Variants in PCDHGA1 observed in about 807,000 individuals in gnomAD.
PCDHGA1 encodes protocadherin gamma subfamily A, 1, also known as protocadherin gamma-A1.
In PCDHGA1, 32 loss-of-function variants were observed where a neutral mutation model predicts 58.0. The ratio of observed to expected loss-of-function variants is 0.55; its 90% CI spans 0.42 to 0.74. The LOEUF is 0.74. Among genes scored for constraint, PCDHGA1 ranks in the 30% least tolerant of loss-of-function variants. The probability of loss-of-function intolerance (pLI) is 0.00; values close to 1 mark genes in which losing one functional copy is unlikely to be tolerated. For missense variants in PCDHGA1, 1,205 were observed against 1,182.3 expected, an observed-to-expected ratio of 1.02 and a Z score of -0.28; for synonymous variants, 498 against 501.1, an observed-to-expected ratio of 0.99 and a Z score of 0.08.
At chr5:141,383,174 G>A in intron 1 of PCDHGA1, 6 of 1,614,084 alleles carry the variant, frequency 3.7e-6, no homozygotes, top group South Asian at 2.2e-5. Flanking sequence ...AGGATAGACC[G>A]GGAAGAGATC....
At chr5:141,418,828 C>G in intron 1 of PCDHGA1, 1 of 1,613,978 alleles carries the variant, frequency 6.2e-7, no homozygotes, top group Non-Finnish European at 8.5e-7. Flanking sequence ...AAGCAAAAGA[C>G]CGAGGATCTC....
chr5:141,376,447 C>T (rs777597745), intron 1 of PCDHGA1: 83 of 1,614,064 alleles, frequency 5.1e-5, no homozygotes, highest in Admixed American at 1.3e-4. Context: ...ATGAGAAAAG[C>T]GAGCCTCTTC....
intron 1 of PCDHGA1, chr5:141,356,345 T>C (rs1223520317): frequency 1.3e-6 from 2 of 1,555,176 alleles, no homozygotes; most frequent in African/African-American, 2.7e-5. Context: ...AATGGCCTAG[T>C]CACATGTTCT....
At chr5:141,444,531 CTG>C (rs2098439915) in intron 1 of PCDHGA1, among the ~76,000 whole-genome samples, 1 of 152,100 alleles carries the variant, frequency 6.6e-6, no homozygotes, top group Non-Finnish European at 1.5e-5. Context: ...GAGACAGTGA[CTG>C]TGTCTAGTGA....
intron 1 of PCDHGA1, chr5:141,346,548 C>T: frequency 6.5e-7 from 1 of 1,526,898 alleles, no homozygotes; most frequent in Non-Finnish European, 8.9e-7. Flanking sequence ...AGAAATAAAG[C>T]CATGAGGTTG....
At chr5:141,430,980 T>C in intron 1 of PCDHGA1, 1 of 1,613,618 alleles carries the variant, frequency 6.2e-7, no homozygotes, top group African/African-American at 1.3e-5. Context: ...AGGACGCAGC[T>C]TTTCGCCCTG....
rs1173375966 is a variant in PCDHGA1, at chr5:141,511,162, GAGA to G, written c.2791_2793del (p.Lys931del). 16 of 1,614,044 alleles carry G rather than the reference GAGA, an allele frequency of 9.9e-6. No individual in the cohort carries two copies. The highest frequency in any genetic ancestry group is 5.5e-5 in the South Asian group (5 of 91,078). On this transcript the variant is annotated inframe_deletion, in exon 4 of 4. Transcript: ENST00000517417. The stretch of plus-strand genomic sequence containing the variant: ...CAACAAGAAGAAGTCGGGCAAGAAG[GAGA>G]AGAAGTAACATGGAGGCCAGGCCAA...
intron 2 of PCDHGA1, among the ~76,000 whole-genome samples, chr5:141,497,540 CT>C (rs754207034): frequency 0.18 from 24,498 of 134,808 alleles, 2,020 homozygotes; most frequent in African/African-American, 0.21. Flanking sequence ...TGCAACAAAC[CT>C]TTTTTTTTTT....
At chr5:141,430,638 G>A in intron 1 of PCDHGA1, 1 of 898,338 alleles carries the variant, frequency 1.1e-6, no homozygotes, top group Non-Finnish European at 1.6e-6. Flanking sequence ...CCATCCCTGG[G>A]AGTATGTGGA....
At chr5:141,416,530 G>A (rs976560428) in intron 1 of PCDHGA1, 2 of 152,160 alleles carry the variant, frequency 1.3e-5, no homozygotes, top group Non-Finnish European at 2.9e-5. Flanking sequence ...GCTCTTTAAT[G>A]TATAAGGAGG....
chr5:141,432,873 T>A lies in PCDHGA1; in HGVS notation c.2422-61934T>A, dbSNP rs753576338. ...GTGGCCGCGGTCTCCTGCGTCTTCCTGGCCTTCGTCATCTTGCTGCTGGCG... is the reference window on the plus strand; with the variant it reads ...GTGGCCGCGGTCTCCTGCGTCTTCCAGGCCTTCGTCATCTTGCTGCTGGCG... On this transcript the variant is annotated intron_variant, in intron 1 of 3. Transcript: ENST00000517417. This position sits in a 1 kb window ranked among gnomAD's most constrained non-coding sequence, Gnocchi z 6.0. 1.4e-5 allele frequency: 22 copies of A among 1,614,204 alleles called. No individual in the cohort carries two copies. The highest frequency in any genetic ancestry group is 3.3e-4 in the Middle Eastern group (2 of 6,062).
At chr5:141,389,794 G>A (rs1015982333) in intron 1 of PCDHGA1, 21 of 1,613,396 alleles carry the variant, frequency 1.3e-5, no homozygotes, top group East Asian at 2.2e-5. Flanking sequence ...GACGCCGTCC[G>A]CCAGCGCCTT....
chr5:141,487,467 T>C lies in PCDHGA1; in HGVS notation c.2422-7340T>C. ...GATGACCCTATCAAGTTTGTTGATG[T>C]GGGAGGCCACTCTCATGGCTGTACA... On this transcript the variant is annotated intron_variant, in intron 1 of 3. Transcript: ENST00000517417. The surrounding 1 kb of genome is among the most constrained non-coding windows in gnomAD (Gnocchi z 5.0). 6.2e-7 allele frequency: 1 copy of C among 1,614,186 alleles called. No individual in the cohort carries two copies. The highest frequency in any genetic ancestry group is 8.5e-7 in the Non-Finnish European group (1 of 1,180,026).
In PCDHGA1 at chr5:141,332,870, G is replaced by A; in HGVS notation, c.2186G>A (p.Gly729Glu). 1 of 1,614,242 alleles carries A rather than the reference G, an allele frequency of 6.2e-7. No homozygotes were observed. The highest frequency in any genetic ancestry group is 8.5e-7 in the Non-Finnish European group (1 of 1,180,034). Residue 729 changes from glycine to glutamate, a missense_variant, in exon 1 of 4, where the codon GGA (glycine) becomes GAA (glutamate). By Grantham distance (98) the Gly-to-Glu change is moderately conservative. Coordinates refer to ENST00000517417, the MANE Select transcript of PCDHGA1 (RefSeq NM_018912.3). This position sits in a 1 kb window ranked among gnomAD's most constrained non-coding sequence, Gnocchi z 4.6. ...WHKSRLLQAS[G>E]GGLASMPGSH... ...AAGTCACGTCTGCTACAGGCTTCGG[G>A]AGGCGGCTTAGCGAGCATGCCCGGT...
chr5:141,485,500 C>T lies in PCDHGA1; in HGVS notation c.2422-9307C>T. 1 of 1,614,142 alleles carries T rather than the reference C, an allele frequency of 6.2e-7. No homozygotes were observed. The highest frequency in any genetic ancestry group is 8.5e-7 in the Non-Finnish European group (1 of 1,180,038). ...GCTGCATCGTGCCCCTGGAGTTTGT[C>T]ACCGAAGGTCCTTTGGAAATGTACC... On this transcript the variant is annotated intron_variant, in intron 1 of 3. Coordinates refer to ENST00000517417, the MANE Select transcript of PCDHGA1 (RefSeq NM_018912.3). The surrounding 1 kb of genome is among the most constrained non-coding windows in gnomAD (Gnocchi z 5.7).
intron 1 of PCDHGA1, chr5:141,333,851 C>T (rs1756488696): frequency 6.6e-6 from 1 of 152,092 alleles, no homozygotes; most frequent in African/African-American, 2.4e-5. Context: ...GGTGCCTGTA[C>T]TGAAGAATAC....
chr5:141,407,704 T>C (rs977444941), intron 1 of PCDHGA1, among the ~76,000 whole-genome samples: 5 of 152,144 alleles, frequency 3.3e-5, no homozygotes, highest in Admixed American at 1.3e-4. Context: ...TTGTTGAAGG[T>C]GGGGTGATGG....
intron 1 of PCDHGA1, among the ~76,000 whole-genome samples, chr5:141,480,272 G>T (rs903112862): frequency 7.2e-6 from 1 of 138,796 alleles, no homozygotes; most frequent in Non-Finnish European, 1.5e-5. Flanking sequence ...TTCATTAGCT[G>T]GGTGTGTTGG....
At chr5:141,372,431 C>G in intron 1 of PCDHGA1, 3 of 1,614,052 alleles carry the variant, frequency 1.9e-6, no homozygotes, top group Non-Finnish European at 2.5e-6. Context: ...GCGACCGCCC[C>G]ACTCCCTCTG....
Sources: gnomAD v4.1 joint callset for allele counts (sites outside exome capture counted in the v4.1 genomes callset) on GRCh38, gnomAD v4.1.1 for gene constraint, Gnocchi (gnomAD v3.1) non-coding constraint, MANE v1.5 for transcripts, NCBI Gene and HGNC (gene_info 2026-07-23, HGNC 2026-07-21) for gene names.